PDPK1: variants seen among roughly 807,000 people sequenced by gnomAD.
PDPK1 encodes the protein 3-phosphoinositide dependent protein kinase 1, also known as 3-phosphoinositide-dependent protein kinase 1.
PDPK1 carries 7 observed loss-of-function variants against 39.8 expected under a neutral mutation model. That is an observed-to-expected ratio of 0.18 (90% CI 0.10 to 0.33). PDPK1 has a LOEUF of 0.33. Ranked by LOEUF, PDPK1 falls within the 10% of genes least tolerant of loss-of-function variation. The probability of loss-of-function intolerance (pLI) is 1.00; values close to 1 mark genes in which losing one functional copy is unlikely to be tolerated. For synonymous variants in PDPK1, 118 were observed against 159.1 expected, an observed-to-expected ratio of 0.74 and a Z score of 1.95; for missense variants, 182 against 384.7, an observed-to-expected ratio of 0.47 and a Z score of 4.41.
intron 11 of PDPK1, chr16:2,592,525 A>T (rs2067010494): frequency 6.2e-6 from 2 of 325,182 alleles, no homozygotes; most frequent in South Asian, 4.7e-5. Flanking sequence ...ATTACCAAAA[A>T]TTAGCTGGGC....
rs1335280013 is a variant in PDPK1, at chr16:2,599,923, C to T, written c.*2156C>T. 1 of 233,232 alleles carries T rather than the reference C, an allele frequency of 4.3e-6. No homozygotes were observed. The highest frequency in any genetic ancestry group is 8.5e-6 in the Non-Finnish European group (1 of 118,076). 14.4% of individuals were successfully genotyped at this position (233,232 alleles called of 1,614,324 possible). On this transcript the variant is annotated 3_prime_UTR_variant, in exon 14 of 14. Coordinates refer to ENST00000342085, the MANE Select transcript of PDPK1 (RefSeq NM_002613.5). ...CCACCTCCTGGGCGTCACTGACAAG[C>T]TCCATCTTAACCTCCAAAGCCACAG...
At position 2,597,193 on chromosome 16, in the gene PDPK1, A is replaced by T. The variant is rs775814028; in HGVS notation, c.1472A>T (p.Asn491Ile). 1 of 1,594,712 alleles carries T rather than the reference A, an allele frequency of 6.3e-7. No individual in the cohort carries two copies. Among genetic ancestry groups the T allele is most frequent in the Admixed American group, 1.7e-5 (1 of 59,548 alleles). Reference protein sequence around the residue: ...GPHLYYVDPVNKVLKGEIPWS... With the variant: ...GPHLYYVDPVIKVLKGEIPWS... ...CATTTATATTATGTGGATCCTGTCAACAAAGTTCTGAAAGGTGAAATTCCT... is the reference window on the plus strand; with the variant it reads ...CATTTATATTATGTGGATCCTGTCATCAAAGTTCTGAAAGGTGAAATTCCT... Residue 491 changes from asparagine to isoleucine, a missense_variant, in exon 13 of 14, where the codon AAC becomes ATC. Physicochemically the swap from Asn to Ile is moderately radical, Grantham distance 149. Around this residue, in one of 5 missense-constraint regions of PDPK1, gnomAD observed 67 missense variants for 87.8 expected, o/e 0.76. Transcript: ENST00000342085. This position sits in a 1 kb window ranked among gnomAD's most constrained non-coding sequence, Gnocchi z 6.3.
rs1394407819 is a variant in PDPK1 at position 2,599,875 on chromosome 16, C to T, written c.*2108C>T. On this transcript the variant is annotated 3_prime_UTR_variant, in exon 14 of 14. Coordinates refer to ENST00000342085, the MANE Select transcript of PDPK1 (RefSeq NM_002613.5). ...GGCTGCTTGGGGAGACTCTTCCGTG[C>T]GTTCTTCCTCTGGATAGAACCACCA... 2.1e-5 allele frequency: 5 copies of T among 233,618 alleles called. No homozygotes were observed. The highest frequency in any genetic ancestry group is 4.2e-5 in the Non-Finnish European group (5 of 118,406). The allele number at this position is 233,618 out of a possible 1,614,324, so 14.5% of individuals were successfully genotyped here.
chr16:2,586,133 T>C (rs953193544), intron 10 of PDPK1, among the ~76,000 whole-genome samples: 1 of 152,210 alleles, frequency 6.6e-6, no homozygotes, highest in Non-Finnish European at 1.5e-5. Context: ...CTACAGTAAG[T>C]TTAGTTTATC....
intron 1 of PDPK1, chr16:2,538,957 C>T (rs1415141342): frequency 3.7e-5 from 14 of 379,206 alleles, no homozygotes; most frequent in African/African-American, 1.9e-4. Flanking sequence ...GCCTTGTATG[C>T]GATGTGCAGT....
At chr16:2,539,732 G>A (rs185114381) in intron 1 of PDPK1, among the ~76,000 whole-genome samples, 8 of 152,226 alleles carry the variant, frequency 5.3e-5, no homozygotes, top group African/African-American at 1.7e-4. Context: ...GAGTTATGTC[G>A]AAGTTTGTGA....
intron 1 of PDPK1, among the ~76,000 whole-genome samples, chr16:2,539,688 C>A (rs777249580): frequency 1.3e-5 from 2 of 152,092 alleles, no homozygotes; most frequent in Admixed American, 6.5e-5. Context: ...ATGAATTAGG[C>A]GGATTGGCCA....
At chr16:2,538,362 C>T (rs1416313947) in intron 1 of PDPK1, 37 of 381,648 alleles carry the variant, frequency 9.7e-5, no homozygotes, top group Non-Finnish European at 1.0e-4. Flanking sequence ...TGGCCGGGGG[C>T]GCTGACAGAC....
intron 11 of PDPK1, among the ~76,000 whole-genome samples, chr16:2,591,253 TTGA>T (rs1211789615): frequency 6.6e-6 from 1 of 152,138 alleles, no homozygotes; most frequent in Non-Finnish European, 1.5e-5. Context: ...CAAAAGTCAT[TTGA>T]TACATAGTGA....
In PDPK1 at chr16:2,586,701, G is replaced by C; in HGVS notation, c.1151G>C (p.Gly384Ala). 6.2e-7 allele frequency: 1 copy of C among 1,614,180 alleles called. No individual in the cohort carries two copies. Among genetic ancestry groups the C allele is most frequent in the South Asian group, 1.1e-5 (1 of 91,084 alleles). The change falls in exon 11 of 14, where the codon GGC becomes GCC. Residue 384 changes from glycine (G) to alanine (A), a missense_variant. Physicochemically the swap from Gly to Ala is moderately conservative, Grantham distance 60. Transcript: ENST00000342085. ...GNYDNLLSQF[G>A]CMQVSSSSSS... ...TATGACAATCTCCTGAGCCAGTTTG[G>C]CTGCATGCAGGTGTCTTCGTCCTCC...
At chr16:2,594,729 C>T (rs1266783854) in intron 11 of PDPK1, among the ~76,000 whole-genome samples, 2 of 152,116 alleles carry the variant, frequency 1.3e-5, no homozygotes, top group Non-Finnish European at 2.9e-5. Flanking sequence ...GCCTGTAATC[C>T]CAGCCCTTTG....
At chr16:2,595,056 G>GA (rs2067073018) in intron 11 of PDPK1, among the ~76,000 whole-genome samples, 1 of 152,190 alleles carries the variant, frequency 6.6e-6, no homozygotes, top group Non-Finnish European at 1.5e-5. Flanking sequence ...GCAGGAGATT[G>GA]AGGCTACAGT....
At chr16:2,542,610 G>C (rs1204974114) in intron 1 of PDPK1, among the ~76,000 whole-genome samples, 1 of 152,214 alleles carries the variant, frequency 6.6e-6, no homozygotes, top group African/African-American at 2.4e-5. Context: ...CAAGTGTGTG[G>C]TTTCCATCTG....
At chr16:2,591,238 G>C (rs2066984545) in intron 11 of PDPK1, among the ~76,000 whole-genome samples, 1 of 152,098 alleles carries the variant, frequency 6.6e-6, no homozygotes, top group African/African-American at 2.4e-5. Flanking sequence ...GCTGGGATTA[G>C]AGGCCAAAAG....
rs896934505 is a variant in PDPK1 at position 2,601,023 on chromosome 16, C to G, written c.*3256C>G. On this transcript the variant is annotated 3_prime_UTR_variant, in exon 14 of 14. Coordinates refer to ENST00000342085, the MANE Select transcript of PDPK1 (RefSeq NM_002613.5). ...TACTATAATTTATCTGACCATTTCC[C>G]TACTGTAAAATACTTAAGACGGTTT... is the stretch of plus-strand genomic sequence containing the variant. The G allele has an allele frequency of 8.6e-6, 2 of 231,694 alleles. No individual in the cohort carries two copies. Among genetic ancestry groups the G allele is most frequent in the Non-Finnish European group, 1.7e-5 (2 of 117,866 alleles). The allele number at this position is 231,694 out of a possible 1,614,324, so 14.4% of individuals were successfully genotyped here. A position where few individuals can be genotyped will look rare whatever the true frequency, so the allele number is the denominator to read the frequency against.
chr16:2,586,009 T>C (rs994818228), intron 10 of PDPK1, among the ~76,000 whole-genome samples: 15 of 152,188 alleles, frequency 9.9e-5, no homozygotes, highest in Admixed American at 8.5e-4. Context: ...TCTCTGGCCT[T>C]GGCAGTGCCA....
Position 2,598,112 on chromosome 16 carries a change from G to A in PDPK1, c.*345G>A, listed in dbSNP as rs931548413. On this transcript the variant is annotated 3_prime_UTR_variant, in exon 14 of 14. Transcript: ENST00000342085. ...GACCTGGTGTCACCAGTTTTTCCTA[G>A]CATCAGTCCGAACCATGCGCCCGCC... 2.9e-6 allele frequency: 1 copy of A among 348,040 alleles called. No homozygotes were observed. The highest frequency in any genetic ancestry group is 5.3e-6 in the Non-Finnish European group (1 of 188,748). 21.6% of individuals were successfully genotyped at this position (348,040 alleles called of 1,614,324 possible).
chr16:2,560,174 G>C (rs1205407012), intron 2 of PDPK1, among the ~76,000 whole-genome samples: 1 of 151,978 alleles, frequency 6.6e-6, no homozygotes, highest in Non-Finnish European at 1.5e-5. Flanking sequence ...GTGAAGTGTT[G>C]AGTTTAGACA....
rs750004515 is a variant in PDPK1 at position 2,597,096 on chromosome 16, G to T, written c.1402-27G>T. ...GATGCCGTCAGCACTGGCCTCTGAG[G>T]CCTGTTGTTTTGTGTTTTGGCGTCA... On this transcript the variant is annotated intron_variant, in intron 12 of 13. Coordinates refer to ENST00000342085, the MANE Select transcript of PDPK1 (RefSeq NM_002613.5). The surrounding 1 kb of genome is among the most constrained non-coding windows in gnomAD (Gnocchi z 6.3). 5.2e-6 allele frequency: 8 copies of T among 1,534,970 alleles called. No homozygotes were observed. The highest frequency in any genetic ancestry group is 6.2e-6 in the Non-Finnish European group (7 of 1,133,672).
Sources: gnomAD v4.1 joint callset for allele counts (sites outside exome capture counted in the v4.1 genomes callset) on GRCh38, gnomAD v4.1.1 for gene constraint, gnomAD v4.1.1 regional missense constraint, Gnocchi (gnomAD v3.1) non-coding constraint, MANE v1.5 for transcripts, NCBI Gene and HGNC (gene_info 2026-07-23, HGNC 2026-07-21) for gene names.